Variants in NEGR1 observed in about 807,000 individuals in gnomAD.
The protein encoded by NEGR1 is neuronal growth regulator 1, also known as IgLON family member 4.
In NEGR1, 10 loss-of-function variants were observed where a neutral mutation model predicts 40.9. The observed-to-expected ratio is 0.24, with a 90% CI of 0.15 to 0.42. The LOEUF is 0.42. Ranked by LOEUF, NEGR1 falls within the 10% of genes least tolerant of loss-of-function variation. The pLI is 1.00. For synonymous variants in NEGR1, 185 were observed against 166.8 expected (o/e 1.11, Z -0.84); for missense variants, 352 against 438.9 (o/e 0.80, Z 1.77).
At chr1:71,702,055 CAAAT>C (rs1653715741) in intron 3 of NEGR1, among the ~76,000 whole-genome samples, 1 of 151,872 alleles carries the variant, frequency 6.6e-6, no homozygotes, top group African/African-American at 2.4e-5. Flanking sequence ...GTTTCAAAAG[CAAAT>C]AAAAGTAACT....
chr1:71,510,850 G>T (rs1184347061), intron 6 of NEGR1, among the ~76,000 whole-genome samples: 1 of 152,182 alleles, frequency 6.6e-6, no homozygotes, highest in South Asian at 2.1e-4. Context: ...TTGGGTGGGT[G>T]AATGTGTGTT....
At chr1:71,883,652 C>T (rs886494557) in intron 2 of NEGR1, among the ~76,000 whole-genome samples, 15 of 151,786 alleles carry the variant, frequency 9.9e-5, no homozygotes, top group Non-Finnish European at 1.8e-4. Flanking sequence ...TGTATACATG[C>T]GCCGTGTTGG....
At chr1:71,842,846 C>T (rs767379169) in intron 2 of NEGR1, among the ~76,000 whole-genome samples, 18 of 152,128 alleles carry the variant, frequency 1.2e-4, no homozygotes, top group Non-Finnish European at 2.5e-4. Context: ...AGTCTATAAA[C>T]ATCTTTTGCA....
intron 1 of NEGR1, among the ~76,000 whole-genome samples, chr1:72,164,036 A>T (rs1464133776): frequency 6.6e-6 from 1 of 151,868 alleles, no homozygotes; most frequent in Admixed American, 6.6e-5. Flanking sequence ...TTTAAAGTAA[A>T]GTAAAAGCAG....
At chr1:72,029,487 T>C (rs982962934) in intron 1 of NEGR1, among the ~76,000 whole-genome samples, 11 of 152,304 alleles carry the variant, frequency 7.2e-5, no homozygotes, top group African/African-American at 2.6e-4. Flanking sequence ...ATGACACTCA[T>C]AGAATGGATC....
intron 1 of NEGR1, among the ~76,000 whole-genome samples, chr1:72,243,743 A>C: frequency 6.6e-6 from 1 of 151,982 alleles, no homozygotes; most frequent in South Asian, 2.1e-4. Context: ...AACTATAATT[A>C]TTAACTCTCA....
chr1:71,613,814 T>C (rs956187660), intron 4 of NEGR1, among the ~76,000 whole-genome samples: 4 of 152,144 alleles, frequency 2.6e-5, no homozygotes, highest in Non-Finnish European at 5.9e-5. Flanking sequence ...ATCTTGAAGA[T>C]ACAAAAACTA....
chr1:72,036,158 G>A (rs1300515710), intron 1 of NEGR1, among the ~76,000 whole-genome samples: 1 of 152,154 alleles, frequency 6.6e-6, no homozygotes, highest in Admixed American at 6.5e-5. Context: ...ACATTTCAGT[G>A]AATACTGAGG....
intron 1 of NEGR1, among the ~76,000 whole-genome samples, chr1:72,019,868 C>T (rs1646741897): frequency 6.6e-6 from 1 of 152,244 alleles, no homozygotes; most frequent in South Asian, 2.1e-4. Flanking sequence ...ATAAATAAAA[C>T]CTTATGACTA....
intron 1 of NEGR1, among the ~76,000 whole-genome samples, chr1:72,060,008 T>G (rs1339937652): frequency 6.6e-6 from 1 of 151,702 alleles, no homozygotes; most frequent in Non-Finnish European, 1.5e-5. Flanking sequence ...AGATGGAAAC[T>G]CAGGTTTTAA....
intron 3 of NEGR1, among the ~76,000 whole-genome samples, chr1:71,710,193 A>G (rs1295864385): frequency 6.6e-6 from 1 of 152,196 alleles, no homozygotes; most frequent in Non-Finnish European, 1.5e-5. Context: ...TGTTATTACA[A>G]TCTCGCCCCA....
chr1:71,633,148 G>C (rs991338542), intron 4 of NEGR1, among the ~76,000 whole-genome samples: 2 of 151,970 alleles, frequency 1.3e-5, no homozygotes, highest in Non-Finnish European at 2.9e-5. Flanking sequence ...TCAGTTTTTA[G>C]TCCATTTCTT....
chr1:72,262,651 G>C (rs947023100), intron 1 of NEGR1, among the ~76,000 whole-genome samples: 12 of 151,632 alleles, frequency 7.9e-5, no homozygotes, highest in Non-Finnish European at 1.8e-4. Flanking sequence ...AAAGCAAAGA[G>C]GTTTATAAAT....
At chr1:72,142,596 T>C (rs900377339) in intron 1 of NEGR1, among the ~76,000 whole-genome samples, 1 of 151,824 alleles carries the variant, frequency 6.6e-6, no homozygotes, top group African/African-American at 2.4e-5. Flanking sequence ...AATATCACTA[T>C]GTAGTATAAA....
intron 1 of NEGR1, among the ~76,000 whole-genome samples, chr1:72,066,014 C>T (rs1262958030): frequency 6.6e-6 from 1 of 152,080 alleles, no homozygotes; most frequent in African/African-American, 2.4e-5. Flanking sequence ...AATTCCCCTT[C>T]CCTTTAGAAA....
chr1:72,259,220 G>A (rs1268419590), intron 1 of NEGR1, among the ~76,000 whole-genome samples: 2 of 152,044 alleles, frequency 1.3e-5, no homozygotes, highest in African/African-American at 4.8e-5. Context: ...TAAAAACAAG[G>A]AGCTATAGAT....
At chr1:72,106,703 C>T (rs753146452) in intron 1 of NEGR1, among the ~76,000 whole-genome samples, 6 of 152,010 alleles carry the variant, frequency 3.9e-5, no homozygotes, top group Admixed American at 3.9e-4. Flanking sequence ...GTCCATCAAA[C>T]ATTTCAACAA....
rs889131205 is a variant in NEGR1 at position 71,464,879 on chromosome 1, T to G, written c.941-57309A>C. Among the ~76,000 whole-genome samples the G allele has an allele frequency of 2.0e-5, 3 of 152,220 alleles. No homozygotes were observed. The East Asian group carries it at 5.8e-4, about 29-fold the overall frequency. ...AATAACAAACTGAAACCTTAATTAG[T>G]TGAAGTAACAAAGGCAGTGGTACAC... On this transcript the variant is annotated intron_variant, in intron 6 of 6. Coordinates refer to ENST00000357731, the MANE Select transcript of NEGR1 (RefSeq NM_173808.3).
chr1:71,896,542 AT>A (rs1251394208), intron 2 of NEGR1, among the ~76,000 whole-genome samples: 1 of 152,090 alleles, frequency 6.6e-6, no homozygotes, highest in African/African-American at 2.4e-5. Flanking sequence ...GTTGTATTAA[AT>A]TTTGGTTAAG....
Sources: gnomAD v4.1 joint callset for allele counts (sites outside exome capture counted in the v4.1 genomes callset) on GRCh38, gnomAD v4.1.1 for gene constraint, MANE v1.5 for transcripts, NCBI Gene and HGNC (gene_info 2026-07-23, HGNC 2026-07-21) for gene names.